Variants in DOCK2 observed in about 807,000 individuals in gnomAD.
DOCK2 encodes the protein dedicator of cytokinesis protein 2.
In DOCK2, 87 loss-of-function variants were observed where a neutral mutation model predicts 248.9. The observed-to-expected ratio is 0.35, with a 90% CI of 0.29 to 0.42. The LOEUF (loss-of-function observed/expected upper bound fraction) is 0.42, where lower values mean the gene tolerates loss of function less well. Ranked by LOEUF, DOCK2 falls within the 10% of genes least tolerant of loss-of-function variation. DOCK2 has a pLI of 1.00. For missense variants in DOCK2, 1,747 were observed against 2,300.2 expected (o/e 0.76, Z 4.92); for synonymous variants, 805 against 821.6 (o/e 0.98, Z 0.35).
chr5:169,640,539 C>T (rs1259811037), intron 1 of DOCK2, among the ~76,000 whole-genome samples: 2 of 152,198 alleles, frequency 1.3e-5, no homozygotes, highest in Non-Finnish European at 2.9e-5. Context: ...TTGGTTTGAA[C>T]TTGAGCTTAT....
At chr5:169,806,222 T>G (rs1446833811) in intron 26 of DOCK2, among the ~76,000 whole-genome samples, 3 of 150,122 alleles carry the variant, frequency 2.0e-5, no homozygotes, top group African/African-American at 7.4e-5. Flanking sequence ...CTCGAGAGTT[T>G]TTTTTTTTTT....
intron 2 of DOCK2, among the ~76,000 whole-genome samples, chr5:169,668,897 C>T (rs1355945658): frequency 6.6e-6 from 1 of 152,138 alleles, no homozygotes; most frequent in Admixed American, 6.6e-5. Context: ...TGAAAGCATG[C>T]AGATGGTCAC....
At chr5:169,933,927 A>G (rs1001470147) in intron 27 of DOCK2, among the ~76,000 whole-genome samples, 1 of 152,196 alleles carries the variant, frequency 6.6e-6, no homozygotes, top group Non-Finnish European at 1.5e-5. Context: ...GTCGCCATTA[A>G]TGCTACTGAC....
chr5:170,081,759 CAGCCCT>C, intron 50 of DOCK2, 77 bp from the exon 51 acceptor site: 5 of 1,313,182 alleles, frequency 3.8e-6, no homozygotes, highest in Non-Finnish European at 5.1e-6. Context: ...CTCTGTCCCC[CAGCCCT>C]CCCCCTGTCT....
At chr5:169,769,872 A>G (rs1307090674) in intron 25 of DOCK2, among the ~76,000 whole-genome samples, 1 of 152,208 alleles carries the variant, frequency 6.6e-6, no homozygotes, top group Non-Finnish European at 1.5e-5. Context: ...GGGACTGTCT[A>G]TACTGATGGA....
At chr5:169,686,349 C>A (rs540613819) in intron 8 of DOCK2, among the ~76,000 whole-genome samples, 10 of 152,308 alleles carry the variant, frequency 6.6e-5, no homozygotes, top group Non-Finnish European at 5.9e-5. Context: ...TGGAGGGAGA[C>A]CATGAATCAG....
At chr5:169,855,695 T>A (rs1770853111) in intron 27 of DOCK2, among the ~76,000 whole-genome samples, 1 of 152,156 alleles carries the variant, frequency 6.6e-6, no homozygotes, top group African/African-American at 2.4e-5. Flanking sequence ...AATGGTGAAG[T>A]CTTTCAATTA....
chr5:169,895,251 T>A (rs956957829), intron 27 of DOCK2, among the ~76,000 whole-genome samples: 2 of 152,136 alleles, frequency 1.3e-5, no homozygotes, highest in African/African-American at 4.8e-5. Context: ...AGTTTAAATG[T>A]CCCCCTTCCT....
intron 48 of DOCK2, among the ~76,000 whole-genome samples, chr5:170,078,223 C>T (rs948243162): frequency 6.6e-6 from 1 of 152,172 alleles, no homozygotes; most frequent in East Asian, 1.9e-4. Context: ...GATGGGATGT[C>T]TCCATTGCAG....
chr5:169,863,322 G>A (rs1427059847), intron 27 of DOCK2, among the ~76,000 whole-genome samples: 3 of 152,202 alleles, frequency 2.0e-5, no homozygotes, highest in African/African-American at 7.2e-5. Context: ...GCTGTTTCTG[G>A]GATGAAGGGA....
At chr5:169,725,272 G>A (rs1217547335) in intron 22 of DOCK2, among the ~76,000 whole-genome samples, 2 of 152,090 alleles carry the variant, frequency 1.3e-5, no homozygotes, top group Non-Finnish European at 2.9e-5. Context: ...CATTAACTTG[G>A]CGTCAGATCA....
chr5:169,812,485 A>G (rs977713623), intron 26 of DOCK2, among the ~76,000 whole-genome samples: 15 of 152,202 alleles, frequency 9.9e-5, no homozygotes, highest in African/African-American at 3.6e-4. Context: ...AATGTAATGC[A>G]CTTGAATTAT....
intron 26 of DOCK2, among the ~76,000 whole-genome samples, chr5:169,804,487 C>CGT (rs1421209641): frequency 1.2e-5 from 1 of 83,750 alleles, no homozygotes; most frequent in Non-Finnish European, 2.8e-5. Flanking sequence ...TGTGTGTGTG[C>CGT]GCGCGCGCGT....
chr5:169,764,541 A>G lies in DOCK2; in HGVS notation c.2554+2916A>G, dbSNP rs1380831796. 6.6e-6 allele frequency among the ~76,000 whole-genome samples: 1 copy of G among 152,220 alleles called. No homozygotes were observed. The highest frequency in any genetic ancestry group is 6.5e-5 in the Admixed American group (1 of 15,282). On this transcript the variant is annotated intron_variant, in intron 25 of 51. Transcript: ENST00000520908. This position sits in a 1 kb window ranked among gnomAD's most constrained non-coding sequence, Gnocchi z 4.3. ...GAATAAGAACAATAACGTCTGTCTT[A>G]GAGGGTGATAGTGTGGGCTAATGAG...
chr5:169,687,866 A>G (rs577667024), intron 8 of DOCK2, among the ~76,000 whole-genome samples: 1 of 152,176 alleles, frequency 6.6e-6, no homozygotes, highest in Non-Finnish European at 1.5e-5. Context: ...TATAAAGCCT[A>G]TGTGGTCTGG....
In DOCK2 at chr5:170,078,993, A is replaced by G; in HGVS notation, c.5013A>G (p.Ala1671=). ...CTTTCAGCTTTGACCTGGAATTAGCATCACCCAAGACGCCGAGAGTGGAGC... is the reference window on the plus strand; with the variant it reads ...CTTTCAGCTTTGACCTGGAATTAGCGTCACCCAAGACGCCGAGAGTGGAGC... ...PTSESFDLEL[A]SPKTPRVEQE... The change falls in exon 49 of 52, where the codon GCA becomes GCG. Residue 1671 remains alanine, a synonymous_variant. Transcript: ENST00000520908. The G allele has an allele frequency of 1.2e-6, 2 of 1,614,060 alleles. No homozygotes were observed. Among genetic ancestry groups the G allele is most frequent in the South Asian group, 1.1e-5 (1 of 91,074 alleles).
chr5:169,894,571 A>G (rs261067), intron 27 of DOCK2, among the ~76,000 whole-genome samples: 6 of 152,002 alleles, frequency 3.9e-5, no homozygotes, highest in Non-Finnish European at 8.8e-5. Flanking sequence ...GAAGGGGGGA[A>G]GTTTATGGTC....
intron 18 of DOCK2, 51 bp downstream of exon 18, chr5:169,714,262 G>T (rs1288545162): frequency 4.4e-6 from 7 of 1,603,884 alleles, no homozygotes; most frequent in South Asian, 1.1e-5. Context: ...GTGTCCGTGT[G>T]TGTGTACATG....
At chr5:169,689,083 C>A (rs1030577054) in intron 8 of DOCK2, among the ~76,000 whole-genome samples, 169 bp from the exon 9 acceptor site, 3 of 151,962 alleles carry the variant, frequency 2.0e-5, no homozygotes, top group Admixed American at 6.6e-5. Flanking sequence ...TGTCTGTCTC[C>A]CAACACAACT....
Sources: allele counts gnomAD v4.1 joint callset (sites outside exome capture counted in the v4.1 genomes callset), GRCh38; gene constraint gnomAD v4.1.1; non-coding constraint Gnocchi (gnomAD v3.1); transcripts MANE v1.5; gene names NCBI Gene and HGNC (gene_info 2026-07-23, HGNC 2026-07-21).